Variants in UNC5C observed in about 807,000 individuals in gnomAD.
The protein encoded by UNC5C is unc-5 netrin receptor C.
A neutral mutation model predicts 99.8 loss-of-function variants in UNC5C; 47 were observed. The ratio of observed to expected loss-of-function variants is 0.47; its 90% confidence interval spans 0.37 to 0.60. The LOEUF (loss-of-function observed/expected upper bound fraction) is 0.60. Among genes scored for constraint, UNC5C ranks in the 20% least tolerant of loss-of-function variants. UNC5C has a pLI of 0.00. For synonymous variants in UNC5C, 487 were observed against 452.2 expected, an observed-to-expected ratio of 1.08 and a Z score of -0.98; for missense variants, 1,062 against 1,165.9, an observed-to-expected ratio of 0.91 and a Z score of 1.30.
chr4:95,514,683 T>A lies in UNC5C; in HGVS notation c.124+34051A>T, dbSNP rs775282147. 4.6e-4 allele frequency among the ~76,000 whole-genome samples: 69 copies of A among 150,096 alleles called. 1 individual carries two copies. Among genetic ancestry groups the A allele is most frequent in the Non-Finnish European group, 8.7e-4 (59 of 67,608 alleles). ...TACATATATACACATATATATATAT[T>A]TTTCCTTGAGATGGAGTCTTGCTCT... On this transcript the variant is annotated intron_variant, in intron 1 of 15. Transcript: ENST00000453304.
chr4:95,487,471 C>G (rs753560986), intron 1 of UNC5C, among the ~76,000 whole-genome samples: 2 of 151,360 alleles, frequency 1.3e-5, no homozygotes, highest in Admixed American at 6.6e-5. Context: ...CTATGGTATA[C>G]TTTTTAATAC....
chr4:95,271,243 T>TA (rs1740650905), intron 4 of UNC5C, among the ~76,000 whole-genome samples: 1 of 152,086 alleles, frequency 6.6e-6, no homozygotes, highest in African/African-American at 2.4e-5. Flanking sequence ...TTTTTTTTTT[T>TA]TTGAGACGGA....
intron 1 of UNC5C, among the ~76,000 whole-genome samples, chr4:95,503,768 T>A (rs569939861): frequency 6.6e-6 from 1 of 152,214 alleles, no homozygotes; most frequent in Non-Finnish European, 1.5e-5. Context: ...AAGAAAAGCA[T>A]AAAATAGCAT....
At chr4:95,190,924 A>G (rs556338233) in intron 12 of UNC5C, among the ~76,000 whole-genome samples, 4 of 152,330 alleles carry the variant, frequency 2.6e-5, no homozygotes, top group African/African-American at 9.6e-5. Context: ...ATTCCACAGT[A>G]GAAACAAGCA....
In UNC5C at chr4:95,471,308, T is replaced by G. The variant is rs548879730; in HGVS notation, c.124+77426A>C. 7.1e-4 allele frequency among the ~76,000 whole-genome samples: 108 copies of G among 152,276 alleles called. 1 individual carries two copies. In the Middle Eastern group the frequency reaches 0.017, roughly 24 times the overall value. Reference sequence around the variant, plus strand: ...AAGTTTTCATGGATTATATACTTCATGTAAGTGTACCAACATGTAATTTAC... The same window carrying G: ...AAGTTTTCATGGATTATATACTTCAGGTAAGTGTACCAACATGTAATTTAC... On this transcript the variant is annotated intron_variant, in intron 1 of 15. Coordinates refer to ENST00000453304, the MANE Select transcript of UNC5C (RefSeq NM_003728.4).
chr4:95,310,334 T>G (rs2149407722), intron 2 of UNC5C, among the ~76,000 whole-genome samples: 1 of 152,258 alleles, frequency 6.6e-6, no homozygotes, highest in Admixed American at 6.5e-5. Flanking sequence ...ATATTAAATT[T>G]CAGTTAGACA....
intron 7 of UNC5C, among the ~76,000 whole-genome samples, chr4:95,233,774 A>C (rs2149374449): frequency 6.6e-6 from 1 of 152,248 alleles, no homozygotes; most frequent in South Asian, 2.1e-4. Flanking sequence ...ATCTCTATTA[A>C]AAATACAAAA....
At chr4:95,489,873 T>C (rs1721433055) in intron 1 of UNC5C, among the ~76,000 whole-genome samples, 1 of 151,676 alleles carries the variant, frequency 6.6e-6, no homozygotes, top group African/African-American at 2.4e-5. Context: ...CAGATGAGTG[T>C]ATGATTCTGG....
intron 1 of UNC5C, among the ~76,000 whole-genome samples, chr4:95,434,438 A>G (rs947230033): frequency 6.6e-6 from 1 of 152,124 alleles, no homozygotes; most frequent in Non-Finnish European, 1.5e-5. Flanking sequence ...TGGAAACGCA[A>G]GAAGGGGCAC....
At chr4:95,373,244 C>T (rs1473494282) in intron 1 of UNC5C, among the ~76,000 whole-genome samples, 1 of 152,174 alleles carries the variant, frequency 6.6e-6, no homozygotes, top group Non-Finnish European at 1.5e-5. Context: ...CCCCGGCTTT[C>T]CATGGTTTCA....
chr4:95,379,467 A>G (rs1254746723), intron 1 of UNC5C, among the ~76,000 whole-genome samples: 4 of 152,302 alleles, frequency 2.6e-5, no homozygotes, highest in Admixed American at 6.5e-5. Flanking sequence ...CTCTCTGGAC[A>G]TGTTCATGAA....
At chr4:95,342,059 A>G (rs970929995) in intron 1 of UNC5C, among the ~76,000 whole-genome samples, 1 of 152,126 alleles carries the variant, frequency 6.6e-6, no homozygotes, top group Non-Finnish European at 1.5e-5. Flanking sequence ...AAGGTCCTAA[A>G]TAAACTTGAA....
chr4:95,494,531 C>T (rs927300767), intron 1 of UNC5C, among the ~76,000 whole-genome samples: 6 of 151,364 alleles, frequency 4.0e-5, no homozygotes, highest in African/African-American at 1.5e-4. Flanking sequence ...AGAAAGTGCA[C>T]AAATGCCTCT....
At chr4:95,361,297 T>G (rs1006584126) in intron 1 of UNC5C, among the ~76,000 whole-genome samples, 8 of 152,198 alleles carry the variant, frequency 5.3e-5, no homozygotes, top group Admixed American at 2.6e-4. Context: ...TCTGTTTTTC[T>G]TCAAATCTAC....
intron 1 of UNC5C, among the ~76,000 whole-genome samples, chr4:95,347,665 G>A (rs1425549385): frequency 6.6e-6 from 1 of 151,936 alleles, no homozygotes; most frequent in African/African-American, 2.4e-5. Flanking sequence ...AAAAAGGACA[G>A]TCTCTTAAAT....
intron 1 of UNC5C, among the ~76,000 whole-genome samples, chr4:95,352,847 G>T (rs1744038223): frequency 6.6e-6 from 1 of 152,006 alleles, no homozygotes; most frequent in Non-Finnish European, 1.5e-5. Context: ...ATACTGATTT[G>T]CCTTGCTCTA....
chr4:95,227,176 G>C (rs1738731186), intron 7 of UNC5C, among the ~76,000 whole-genome samples: 1 of 151,012 alleles, frequency 6.6e-6, no homozygotes, highest in Admixed American at 6.6e-5. Context: ...TCGAGATAGG[G>C]TCTTGCTCTG....
In UNC5C at chr4:95,220,173, G is replaced by A. The variant is rs1443056480; in HGVS notation, c.1112C>T (p.Ala371Val). The change falls in exon 8 of 16, where the codon GCT becomes GTT. Residue 371 changes from alanine (A) to valine (V), a missense_variant. Physicochemically the swap from Ala to Val is moderately conservative, Grantham distance 64 (BLOSUM62 0). Coordinates refer to ENST00000453304, the MANE Select transcript of UNC5C (RefSeq NM_003728.4). ...NCTDGLCMQT[A>V]PDSDDVALYV... ...GAGAGCAACATCATCTGAATCAGGA[G>A]CAGCTAGAGAGGAGAGTGAAACATT... 5 of 1,612,374 alleles carry A rather than the reference G, an allele frequency of 3.1e-6. No individual in the cohort carries two copies. The highest frequency in any genetic ancestry group is 1.7e-4 in the Middle Eastern group (1 of 6,060).
chr4:95,198,681 C>T (rs1239161713), intron 12 of UNC5C, among the ~76,000 whole-genome samples: 1 of 152,050 alleles, frequency 6.6e-6, no homozygotes, highest in Non-Finnish European at 1.5e-5. Context: ...GAAGAGATGC[C>T]CCAGAAAGGG....
Sources: allele counts gnomAD v4.1 joint callset (sites outside exome capture counted in the v4.1 genomes callset), GRCh38; gene constraint gnomAD v4.1.1; transcripts MANE v1.5; gene names NCBI Gene and HGNC (gene_info 2026-07-23, HGNC 2026-07-21).